Variants in AXDND1 observed in about 807,000 individuals in gnomAD.
The protein encoded by AXDND1 is axonemal dynein light chain domain-containing protein 1.
AXDND1 carries 110 observed loss-of-function variants against 137.5 expected under a neutral mutation model. That is an observed-to-expected ratio of 0.80 (90% CI 0.69 to 0.94). The LOEUF (loss-of-function observed/expected upper bound fraction) is 0.94. AXDND1 is among the 40% of genes least tolerant of loss of function. The pLI is 0.00. For missense variants in AXDND1, 1,191 were observed against 1,169.8 expected (o/e 1.02, Z -0.26); for synonymous variants, 414 against 399.7 (o/e 1.04, Z -0.43).
At chr1:179,372,094 C>T (rs56275144) in intron 4 of AXDND1, among the ~76,000 whole-genome samples, 49,264 of 151,914 alleles carry the variant, frequency 0.32, 8,423 homozygotes, top group Middle Eastern at 0.45. Context: ...TGTTATGGCA[C>T]CAATAGAAAA....
chr1:179,548,310 G>A (rs1455718904), intron 25 of AXDND1, among the ~76,000 whole-genome samples: 1 of 152,176 alleles, frequency 6.6e-6, no homozygotes, highest in East Asian at 1.9e-4. Flanking sequence ...CATATCATAT[G>A]CATTATCTTA....
intron 16 of AXDND1, chr1:179,448,779 C>T (rs773816609): frequency 2.4e-4 from 40 of 163,428 alleles, no homozygotes; most frequent in Non-Finnish European, 5.1e-4. Flanking sequence ...CTTTTGGTGT[C>T]ATATCTAAGA....
intron 11 of AXDND1, among the ~76,000 whole-genome samples, chr1:179,400,904 C>CAAAAA (rs151090012): frequency 5.6e-5 from 3 of 53,668 alleles, no homozygotes; most frequent in Admixed American, 3.3e-4. Flanking sequence ...GACTCTGTCT[C>CAAAAA]AAAAAAAAAA....
At chr1:179,388,354 A>G (rs142874853) in intron 9 of AXDND1, among the ~76,000 whole-genome samples, 13 of 152,272 alleles carry the variant, frequency 8.5e-5, no homozygotes, top group African/African-American at 3.1e-4. Flanking sequence ...ATTATCAGTG[A>G]TGATCTTTGA....
chr1:179,527,891 C>T (rs1316252659), intron 22 of AXDND1, among the ~76,000 whole-genome samples: 1 of 152,168 alleles, frequency 6.6e-6, no homozygotes, highest in Non-Finnish European at 1.5e-5. Flanking sequence ...CCTGTCCTCT[C>T]TATTTTACAA....
chr1:179,383,427 A>C lies in AXDND1; in HGVS notation c.639-15A>C, dbSNP rs1390734699. 3.8e-6 allele frequency: 6 copies of C among 1,594,498 alleles called. No individual in the cohort carries two copies. Among genetic ancestry groups the C allele is most frequent in the Non-Finnish European group, 5.2e-6 (6 of 1,162,820 alleles). On this transcript the variant is annotated splice_polypyrimidine_tract_variant and intron_variant, in intron 7 of 25. Transcript: ENST00000367618. ...GCAATGTTAATTGCATAAGTCTGCC[A>C]CCTTAATTTTTTAGGAAACCTAATA...
intron 16 of AXDND1, among the ~76,000 whole-genome samples, chr1:179,467,015 A>T (rs542995500): frequency 2.5e-4 from 38 of 152,020 alleles, no homozygotes; most frequent in African/African-American, 9.2e-4. Context: ...CAGGACCTCT[A>T]CTCCTTAGCA....
chr1:179,366,601 C>T lies in AXDND1; in HGVS notation c.92C>T (p.Thr31Ile). ...KLKVSVAKEG[T>I]RGLPELKEKK... is the part of the protein sequence containing the mutation. Reference sequence around the variant, plus strand: ...AAAGTGTCTGTAGCCAAGGAAGGGACAAGAGGTAAACTTCGTTGATTCTGA... The same window carrying T: ...AAAGTGTCTGTAGCCAAGGAAGGGATAAGAGGTAAACTTCGTTGATTCTGA... Residue 31 changes from threonine to isoleucine, a missense_variant, in exon 2 of 26, where the codon ACA becomes ATA. By Grantham distance (89) the Thr-to-Ile change is moderately conservative. Coordinates refer to ENST00000367618, the MANE Select transcript of AXDND1 (RefSeq NM_144696.6). 1 of 1,607,866 alleles carries T rather than the reference C, an allele frequency of 6.2e-7. No homozygotes were observed. The highest frequency in any genetic ancestry group is 1.1e-5 in the South Asian group (1 of 90,972).
chr1:179,434,278 G>C (rs1456366289), intron 15 of AXDND1, among the ~76,000 whole-genome samples: 1 of 152,128 alleles, frequency 6.6e-6, no homozygotes, highest in East Asian at 1.9e-4. Flanking sequence ...GAGGTACAAA[G>C]AGGAGCTGTT....
intron 11 of AXDND1, among the ~76,000 whole-genome samples, chr1:179,407,646 G>T (rs1264066972): frequency 1.3e-5 from 2 of 151,998 alleles, no homozygotes; most frequent in African/African-American, 4.8e-5. Flanking sequence ...TTTTTCTCTT[G>T]CTGTTTTTAG....
chr1:179,429,428 C>G (rs4652382), intron 12 of AXDND1, 90 bp from the exon 13 acceptor site: 473,797 of 602,012 alleles, frequency 0.79, 187,163 homozygotes, highest in East Asian at 0.88. Flanking sequence ...TTAATGATTC[C>G]ATGAAAAATC....
At chr1:179,365,770 C>T (rs1667323199), upstream of AXDND1, 2 of 152,500 alleles carry the variant, frequency 1.3e-5, no homozygotes, top group Non-Finnish European at 2.9e-5. Flanking sequence ...TTTCGGATTC[C>T]GTGACAACGG....
chr1:179,471,962 T>A (rs778815452), intron 17 of AXDND1, among the ~76,000 whole-genome samples: 15 of 152,032 alleles, frequency 9.9e-5, no homozygotes, highest in Non-Finnish European at 1.9e-4. Flanking sequence ...TGGCATGACC[T>A]CAGCTCACTG....
chr1:179,473,995 G>C (rs1034364380), intron 17 of AXDND1, among the ~76,000 whole-genome samples: 1 of 152,086 alleles, frequency 6.6e-6, no homozygotes, highest in Non-Finnish European at 1.5e-5. Flanking sequence ...AGGCCAACGT[G>C]GGCGGATCAC....
intron 25 of AXDND1, among the ~76,000 whole-genome samples, chr1:179,542,804 T>C (rs893671752): frequency 3.3e-5 from 5 of 152,182 alleles, no homozygotes; most frequent in African/African-American, 1.2e-4. Context: ...GTCCCCAGCC[T>C]GCAAACAGTA....
intron 20 of AXDND1, among the ~76,000 whole-genome samples, chr1:179,496,471 T>C (rs1667460865): frequency 6.6e-6 from 1 of 152,076 alleles, no homozygotes; most frequent in African/African-American, 2.4e-5. Flanking sequence ...TGCGATTTCA[T>C]CTAAGTTGTC....
intron 11 of AXDND1, among the ~76,000 whole-genome samples, chr1:179,404,907 T>C (rs1441302805): frequency 6.7e-6 from 1 of 148,792 alleles, no homozygotes; most frequent in South Asian, 2.1e-4. Context: ...TTGGGAGACT[T>C]TTTTTTTTTT....
intron 12 of AXDND1, among the ~76,000 whole-genome samples, chr1:179,422,060 A>C (rs1571762221): frequency 6.6e-6 from 1 of 151,964 alleles, no homozygotes; most frequent in South Asian, 2.1e-4. Flanking sequence ...AAAAAAAAAA[A>C]AACAGCAGCT....
intron 25 of AXDND1, among the ~76,000 whole-genome samples, chr1:179,539,397 T>A (rs1671894868): frequency 6.6e-6 from 1 of 152,218 alleles, no homozygotes; most frequent in African/African-American, 2.4e-5. Context: ...GGAAACAAAA[T>A]CTCTCAGCAT....
Sources: gnomAD v4.1 joint callset for allele counts (sites outside exome capture counted in the v4.1 genomes callset) on GRCh38, gnomAD v4.1.1 for gene constraint, MANE v1.5 for transcripts, NCBI Gene and HGNC (gene_info 2026-07-23, HGNC 2026-07-21) for gene names.